The following GFRA1 variants were observed in gnomAD, a reference collection of about 807,000 sequenced individuals.
GFRA1 encodes GDNF family receptor alpha-1.
GFRA1 carries 16 observed loss-of-function variants against 51.6 expected under a neutral mutation model. The observed-to-expected ratio is 0.31, with a 90% CI of 0.21 to 0.47. GFRA1 has a LOEUF of 0.47. GFRA1 is among the 20% of genes least tolerant of loss of function. The pLI is 1.00. For missense variants in GFRA1, 530 were observed against 594.3 expected, an observed-to-expected ratio of 0.89 and a Z score of 1.13; for synonymous variants, 270 against 241.3, an observed-to-expected ratio of 1.12 and a Z score of -1.10.
chr10:116,089,260 C>T (rs1760200364), intron 9 of GFRA1, among the ~76,000 whole-genome samples: 1 of 152,158 alleles, frequency 6.6e-6, no homozygotes, highest in African/African-American at 2.4e-5. Flanking sequence ...ACCCGTCAAG[C>T]AGTCTGCATG....
rs1473806816 is a variant in GFRA1, at chr10:116,062,634, C to A, written c.*1764G>T. The stretch of plus-strand genomic sequence containing the variant: ...AAATGTGCACCCTGGTTTCCTCCTC[C>A]ATCTCTTCTACCAATGTGGGAAGAA... On this transcript the variant is annotated 3_prime_UTR_variant, in exon 11 of 11. Coordinates refer to ENST00000355422, the MANE Select transcript of GFRA1 (RefSeq NM_005264.8). The A allele has an allele frequency of 6.6e-6, 1 of 152,254 alleles. No individual in the cohort carries two copies. Among genetic ancestry groups the A allele is most frequent in the African/African-American group, 2.4e-5 (1 of 41,428 alleles). 9.4% of individuals were successfully genotyped at this position (152,254 alleles called of 1,614,324 possible).
chr10:116,242,335 CAG>C (rs1313490231), intron 4 of GFRA1, among the ~76,000 whole-genome samples: 1 of 152,160 alleles, frequency 6.6e-6, no homozygotes, highest in East Asian at 1.9e-4. Context: ...TGACCATAAG[CAG>C]AGATACTTCT....
chr10:116,121,516 G>T (rs1424032175), intron 6 of GFRA1, among the ~76,000 whole-genome samples: 1 of 152,220 alleles, frequency 6.6e-6, no homozygotes, highest in Non-Finnish European at 1.5e-5. Context: ...CTGTTTGAAG[G>T]CATGAGGCGG....
At chr10:116,251,317 G>C (rs1968338589) in intron 4 of GFRA1, among the ~76,000 whole-genome samples, 1 of 152,212 alleles carries the variant, frequency 6.6e-6, no homozygotes, top group Non-Finnish European at 1.5e-5. Context: ...AAGCTCCGAA[G>C]AGCACATGGC....
At chr10:116,132,540 C>T (rs1958146968) in intron 5 of GFRA1, among the ~76,000 whole-genome samples, 1 of 152,142 alleles carries the variant, frequency 6.6e-6, no homozygotes, top group African/African-American at 2.4e-5. Context: ...CAATTGCGCA[C>T]GGCACATGGG....
chr10:116,205,170 C>T (rs1298889686), intron 5 of GFRA1, among the ~76,000 whole-genome samples: 1 of 152,080 alleles, frequency 6.6e-6, no homozygotes, highest in Non-Finnish European at 1.5e-5. Flanking sequence ...AGCACATGAC[C>T]GTACCTTATA....
chr10:116,094,251 C>T (rs1274964515), intron 7 of GFRA1, among the ~76,000 whole-genome samples: 1 of 152,144 alleles, frequency 6.6e-6, no homozygotes, highest in African/African-American at 2.4e-5. Context: ...TCCACTTCCC[C>T]CAGAAGCAAA....
intron 5 of GFRA1, among the ~76,000 whole-genome samples, chr10:116,204,609 C>G (rs943184189): frequency 1.3e-5 from 2 of 152,138 alleles, no homozygotes; most frequent in African/African-American, 4.8e-5. Flanking sequence ...CAAAAGGTTA[C>G]TTTTGTTAAG....
At chr10:116,159,026 T>G (rs1009813044) in intron 5 of GFRA1, among the ~76,000 whole-genome samples, 1 of 152,226 alleles carries the variant, frequency 6.6e-6, no homozygotes, top group East Asian at 1.9e-4. Context: ...TACCATCCTC[T>G]AAGTCATCAG....
intron 4 of GFRA1, among the ~76,000 whole-genome samples, chr10:116,211,972 CAT>C (rs1965226955): frequency 6.6e-6 from 1 of 152,102 alleles, no homozygotes; most frequent in Non-Finnish European, 1.5e-5. Context: ...ACATAGTAAA[CAT>C]AGAAAAATCA....
chr10:116,129,882 A>AT (rs1319284475), intron 5 of GFRA1, among the ~76,000 whole-genome samples: 1 of 151,934 alleles, frequency 6.6e-6, no homozygotes, highest in Non-Finnish European at 1.5e-5. Flanking sequence ...TACAAGCTTC[A>AT]TTTTTAAGAG....
rs1395242562 is a variant in GFRA1 at position 116,063,684 on chromosome 10, T to A, written c.*714A>T. 6.6e-6 allele frequency: 1 copy of A among 152,094 alleles called. No individual in the cohort carries two copies. Among genetic ancestry groups the A allele is most frequent in the Non-Finnish European group, 1.5e-5 (1 of 68,158 alleles). 9.4% of individuals were successfully genotyped at this position (152,094 alleles called of 1,614,324 possible). A position where few individuals can be genotyped will look rare whatever the true frequency, so the allele number is the denominator to read the frequency against. On this transcript the variant is annotated 3_prime_UTR_variant, in exon 11 of 11. Coordinates refer to ENST00000355422, the MANE Select transcript of GFRA1 (RefSeq NM_005264.8). ...GGATTAGGAGAGTGTCGTTCAGGGA[T>A]TGAGGTATTGAATCGGCACACTCAT...
intron 6 of GFRA1, among the ~76,000 whole-genome samples, chr10:116,117,780 T>C (rs1157123067): frequency 6.6e-6 from 1 of 151,880 alleles, no homozygotes; most frequent in Admixed American, 6.6e-5. Flanking sequence ...GAGAGAGAAA[T>C]GGGCGGAGAA....
chr10:116,131,571 C>G (rs978218474), intron 5 of GFRA1, among the ~76,000 whole-genome samples: 1 of 152,056 alleles, frequency 6.6e-6, no homozygotes, highest in Non-Finnish European at 1.5e-5. Context: ...TGGACTGCTA[C>G]TCAGAAATAA....
intron 9 of GFRA1, among the ~76,000 whole-genome samples, chr10:116,070,759 CTTT>C (rs773344299): frequency 1.1e-4 from 11 of 97,738 alleles, no homozygotes; most frequent in Non-Finnish European, 1.6e-4. Flanking sequence ...AGTCTGGAGC[CTTT>C]TTTTTTTTTT....
intron 5 of GFRA1, among the ~76,000 whole-genome samples, chr10:116,178,049 A>G (rs1961804276): frequency 6.6e-6 from 1 of 152,228 alleles, no homozygotes; most frequent in Non-Finnish European, 1.5e-5. Flanking sequence ...TTCTCTGAGT[A>G]TGCGCAGTTG....
At chr10:116,077,258 G>C (rs1020276229) in intron 9 of GFRA1, among the ~76,000 whole-genome samples, 2 of 152,250 alleles carry the variant, frequency 1.3e-5, no homozygotes, top group African/African-American at 4.8e-5. Context: ...TTTAAAAAGA[G>C]AAAAATTATT....
chr10:116,096,456 C>T (rs969206620), intron 7 of GFRA1, among the ~76,000 whole-genome samples, 199 bp downstream of exon 7: 5 of 151,694 alleles, frequency 3.3e-5, no homozygotes, highest in East Asian at 3.9e-4. Context: ...CTGCCTTTCA[C>T]GCATCCATTA....
At chr10:116,178,789 C>G (rs1205802407) in intron 5 of GFRA1, among the ~76,000 whole-genome samples, 1 of 152,196 alleles carries the variant, frequency 6.6e-6, no homozygotes, top group Non-Finnish European at 1.5e-5. Context: ...CATCTGGTCT[C>G]TTCTAAAGAC....
Sources: gnomAD v4.1 joint callset for allele counts (sites outside exome capture counted in the v4.1 genomes callset) on GRCh38, gnomAD v4.1.1 for gene constraint, MANE v1.5 for transcripts, NCBI Gene and HGNC (gene_info 2026-07-23, HGNC 2026-07-21) for gene names.